ZRANB1: variants seen among roughly 807,000 people sequenced by gnomAD.
ZRANB1 encodes ubiquitin thioesterase ZRANB1.
A neutral mutation model predicts 80.5 loss-of-function variants in ZRANB1; 16 were observed. That is an observed-to-expected ratio of 0.20 (90% CI 0.13 to 0.30). The LOEUF (loss-of-function observed/expected upper bound fraction) is 0.30. Ranked by LOEUF, ZRANB1 falls within the 10% of genes least tolerant of loss-of-function variation. The pLI is 1.00. For missense variants in ZRANB1, 576 were observed against 862.6 expected (o/e 0.67, Z 4.16); for synonymous variants, 291 against 293.1 (o/e 0.99, Z 0.07).
chr10:124,980,994 A>G (rs1951927460), intron 5 of ZRANB1, among the ~76,000 whole-genome samples: 1 of 152,244 alleles, frequency 6.6e-6, no homozygotes, highest in South Asian at 2.1e-4. Flanking sequence ...AGATGTATAG[A>G]AGATAAATGT....
the ZRANB1 span, among the ~76,000 whole-genome samples, chr10:124,930,554 C>T: frequency 0.013 from 2,006 of 152,242 alleles, 49 homozygotes; most frequent in African/African-American, 0.046. Flanking sequence ...GCATGAGCCA[C>T]GGTACCTGAC....
the ZRANB1 span, among the ~76,000 whole-genome samples, chr10:124,931,312 G>T: frequency 6.7e-6 from 1 of 150,082 alleles, no homozygotes; most frequent in Non-Finnish European, 1.5e-5. Flanking sequence ...GCCTCCCAAG[G>T]TGCTAGGATT....
chr10:124,981,392 CTT>C (rs71029230), intron 5 of ZRANB1: 337 of 159,774 alleles, frequency 2.1e-3, no homozygotes, highest in South Asian at 3.4e-3. Flanking sequence ...TTTCAGATGA[CTT>C]TTTTTTTTTT....
rs1174447379 is a variant in ZRANB1, at chr10:124,977,404, G to GT, written c.1427+3007dup. On this transcript the variant is annotated intron_variant, in intron 5 of 8. Coordinates refer to ENST00000359653, the MANE Select transcript of ZRANB1 (RefSeq NM_017580.3). ...TATGAGTGAGTTGTCACTAATGTTT[G>GT]TATCGGGACTGGAATTCTCAGATGG... is the stretch of plus-strand genomic sequence containing the variant. Among the ~76,000 whole-genome samples, 11 of 150,656 alleles carry GT rather than the reference G, an allele frequency of 7.3e-5. 1 individual carries two copies. Among genetic ancestry groups the GT allele is most frequent in the South Asian group, 6.4e-4 (3 of 4,710 alleles).
At chr10:124,934,560 A>G in the ZRANB1 span, among the ~76,000 whole-genome samples, 5 of 152,202 alleles carry the variant, frequency 3.3e-5, no homozygotes, top group East Asian at 1.9e-4. Flanking sequence ...TTATTGAACA[A>G]TTTTGCGGCT....
chr10:124,931,887 C>T, the ZRANB1 span, among the ~76,000 whole-genome samples: 1 of 152,176 alleles, frequency 6.6e-6, no homozygotes, highest in Non-Finnish European at 1.5e-5. Context: ...ATTCTATGGG[C>T]TTTGACAAAT....
At chr10:124,978,165 CTT>C (rs981449411) in intron 5 of ZRANB1, among the ~76,000 whole-genome samples, 1 of 152,098 alleles carries the variant, frequency 6.6e-6, no homozygotes, top group Non-Finnish European at 1.5e-5. Flanking sequence ...ATACATAGTT[CTT>C]GTGTTGAGTT....
chr10:124,981,625 G>A (rs2133996883), intron 5 of ZRANB1, 84 bp from the exon 6 acceptor site: 1 of 1,243,326 alleles, frequency 8.0e-7, no homozygotes. Context: ...CTTAAAGACT[G>A]CATTAAATAA....
At chr10:124,937,271 C>T (rs1951496360), upstream of ZRANB1, among the ~76,000 whole-genome samples, 1 of 150,038 alleles carries the variant, frequency 6.7e-6, no homozygotes, top group South Asian at 2.1e-4. Context: ...GCTGCAACCT[C>T]CACCTCCTGG....
intron 1 of ZRANB1, chr10:124,945,562 C>T (rs1951575307): frequency 6.6e-6 from 1 of 152,084 alleles, no homozygotes; most frequent in Non-Finnish European, 1.5e-5. Flanking sequence ...CACTAAACCT[C>T]ACTAAAGGTC....
At chr10:124,959,752 G>A (rs113824361) in intron 1 of ZRANB1, among the ~76,000 whole-genome samples, 4 of 152,266 alleles carry the variant, frequency 2.6e-5, no homozygotes, top group African/African-American at 9.6e-5. Flanking sequence ...GAGCCACTGC[G>A]CCCAGCCTAG....
the ZRANB1 span, among the ~76,000 whole-genome samples, chr10:124,917,629 C>T: frequency 2.7e-4 from 41 of 152,344 alleles, no homozygotes; most frequent in South Asian, 8.3e-3. Flanking sequence ...TTCGCTCCCA[C>T]TCCGCAATAG....
At position 124,943,959 on chromosome 10, in the gene ZRANB1, T is replaced by C. The variant is rs536836034; in HGVS notation, c.814+652T>C. Among the ~76,000 whole-genome samples the C allele has an allele frequency of 4.6e-5, 7 of 152,334 alleles. 1 individual carries two copies. The highest frequency in any genetic ancestry group is 4.6e-4 in the Admixed American group (7 of 15,296). On this transcript the variant is annotated intron_variant, in intron 1 of 8. Transcript: ENST00000359653. Reference sequence around the variant, plus strand: ...TTGACCTTGAAAATACTGGTGTTAATTTAACATGAATGTCATGTAGTAAAT... The same window carrying C: ...TTGACCTTGAAAATACTGGTGTTAACTTAACATGAATGTCATGTAGTAAAT...
At chr10:124,956,855 C>G (rs543400523) in intron 1 of ZRANB1, among the ~76,000 whole-genome samples, 1 of 152,250 alleles carries the variant, frequency 6.6e-6, no homozygotes, top group African/African-American at 2.4e-5. Flanking sequence ...TGCCTTTGAC[C>G]TAGATTTTCC....
At chr10:124,927,040 C>T in the ZRANB1 span, among the ~76,000 whole-genome samples, 3 of 152,168 alleles carry the variant, frequency 2.0e-5, no homozygotes, top group South Asian at 2.1e-4. Context: ...CTGCAGGCTC[C>T]GCCCCCTGGG....
chr10:124,950,370 C>T (rs1037103841), intron 1 of ZRANB1, among the ~76,000 whole-genome samples: 2 of 152,114 alleles, frequency 1.3e-5, no homozygotes, highest in African/African-American at 4.8e-5. Context: ...GCAGCCCGCC[C>T]GCCTCGGTCT....
intron 1 of ZRANB1, among the ~76,000 whole-genome samples, chr10:124,954,834 A>G (rs1951676027): frequency 1.3e-5 from 2 of 151,674 alleles, no homozygotes; most frequent in South Asian, 4.2e-4. Flanking sequence ...TTTGAACTTT[A>G]AAACCGTCTA....
At chr10:124,920,006 G>A in the ZRANB1 span, among the ~76,000 whole-genome samples, 15 of 134,028 alleles carry the variant, frequency 1.1e-4, no homozygotes, top group Non-Finnish European at 1.8e-4. Flanking sequence ...TACAACCTCC[G>A]CCTCCCGGGT....
intron 5 of ZRANB1, among the ~76,000 whole-genome samples, chr10:124,974,962 T>G (rs1951863291): frequency 6.6e-6 from 1 of 152,210 alleles, no homozygotes; most frequent in Non-Finnish European, 1.5e-5. Context: ...CATGCCTGGC[T>G]GTTTTATGTA....
Sources: allele counts gnomAD v4.1 joint callset (sites outside exome capture counted in the v4.1 genomes callset), GRCh38; gene constraint gnomAD v4.1.1; transcripts MANE v1.5; gene names NCBI Gene and HGNC (gene_info 2026-07-23, HGNC 2026-07-21).